Variants in TIPIN observed in about 807,000 individuals in gnomAD.
TIPIN encodes the protein TIMELESS interacting protein, also known as TIMELESS-interacting protein.
Under a neutral mutation model 35.6 loss-of-function variants are expected in TIPIN, and 29 were observed. That is an observed-to-expected ratio of 0.82 (90% confidence interval 0.61 to 1.11). The LOEUF (loss-of-function observed/expected upper bound fraction) is 1.11. TIPIN is among the 50% of genes most tolerant of loss of function. The pLI, the probability that TIPIN is intolerant of heterozygous loss-of-function variation, is 0.00. For synonymous variants in TIPIN, 102 were observed against 121.5 expected (o/e 0.84, Z 1.06); for missense variants, 296 against 345.4 (o/e 0.86, Z 1.13).
chr15:66,385,625 A>C (rs2093334626), intron 1 of TIPIN, among the ~76,000 whole-genome samples: 1 of 151,410 alleles, frequency 6.6e-6, no homozygotes, highest in East Asian at 1.9e-4. Flanking sequence ...AGTAGTTGGG[A>C]TTACAGGCAC....
chr15:66,337,997 T>A (rs1291253042), intron 7 of TIPIN, among the ~76,000 whole-genome samples: 1 of 152,190 alleles, frequency 6.6e-6, no homozygotes, highest in Non-Finnish European at 1.5e-5. Context: ...GGATCATGCC[T>A]GTAATCTCAG....
At chr15:66,350,243 A>G (rs2093158019) in intron 4 of TIPIN, among the ~76,000 whole-genome samples, 1 of 151,992 alleles carries the variant, frequency 6.6e-6, no homozygotes. Flanking sequence ...GGATTACAGC[A>G]TGAGCCATAG....
intron 6 of TIPIN, among the ~76,000 whole-genome samples, chr15:66,345,884 C>T (rs1415216530): frequency 6.6e-6 from 1 of 151,848 alleles, no homozygotes; most frequent in South Asian, 2.1e-4. Flanking sequence ...AGATTCAGTT[C>T]TCTTATTTGT....
chr15:66,379,154 G>A lies in TIPIN; in HGVS notation c.-9+7453C>T. The A allele has an allele frequency of 1.0e-5, 8 of 778,554 alleles. No homozygotes were observed. In the South Asian group the frequency reaches 1.5e-4, roughly 15 times the overall value. 48.2% of individuals were successfully genotyped at this position (778,554 alleles called of 1,614,324 possible). A position where few individuals can be genotyped will look rare whatever the true frequency, so the allele number is the denominator to read the frequency against. On this transcript the variant is annotated intron_variant, in intron 1 of 7. Coordinates refer to the TIPIN transcript ENST00000562124. ...TTGTCCCGCCTCTGCCTCCCAAAAT[G>A]CTGGAATCACAGGCATGAGCCACTG...
chr15:66,361,770 G>T lies in TIPIN; in HGVS notation c.-8-8815C>A, dbSNP rs373712880. 7.2e-5 allele frequency among the ~76,000 whole-genome samples: 11 copies of T among 152,236 alleles called. No homozygotes were observed. The East Asian group carries it at 2.1e-3, about 29-fold the overall frequency. On this transcript the variant is annotated intron_variant, in intron 1 of 7. Transcript: ENST00000562124. ...TGCCTGTAACCCCAGCACTTTGGGA[G>T]GCTGAGGCGGGCAGATCACCTGAGG... is the stretch of plus-strand genomic sequence containing the variant.
chr15:66,348,011 T>TTC, intron 6 of TIPIN, among the ~76,000 whole-genome samples: 1 of 149,210 alleles, frequency 6.7e-6, no homozygotes, highest in South Asian at 2.1e-4. Flanking sequence ...TTTCTTTCTT[T>TTC]TTTTTTTTTT....
At chr15:66,366,934 C>A in intron 1 of TIPIN, 1 of 979,464 alleles carries the variant, frequency 1.0e-6, no homozygotes, top group Non-Finnish European at 1.2e-6. Flanking sequence ...GTAATCCCAC[C>A]ACTTTGGGAG....
intron 1 of TIPIN, among the ~76,000 whole-genome samples, chr15:66,383,801 A>C (rs1283071742): frequency 6.6e-6 from 1 of 152,098 alleles, no homozygotes; most frequent in Admixed American, 6.6e-5. Flanking sequence ...ATAGTTAATA[A>C]CATTGTATTT....
chr15:66,346,995 C>G (rs1291650503), intron 6 of TIPIN, among the ~76,000 whole-genome samples: 2 of 152,042 alleles, frequency 1.3e-5, no homozygotes, highest in African/African-American at 4.8e-5. Flanking sequence ...CGGGGTTTCA[C>G]CATGTTAGCC....
Position 66,346,257 on chromosome 15 carries a change from CT to C in TIPIN, c.475+2802del, listed in dbSNP as rs536484516. On this transcript the variant is annotated intron_variant, in intron 6 of 7. Coordinates refer to ENST00000261881, the MANE Select transcript of TIPIN (RefSeq NM_017858.3). Reference sequence around the variant, plus strand: ...GCCACTGCGCCTGGCCTTAATTTATCTTTTTTTTTTTTTTTTTTTACTGCCA... The same window carrying C: ...GCCACTGCGCCTGGCCTTAATTTATCTTTTTTTTTTTTTTTTTTACTGCCA... 4.4e-3 allele frequency among the ~76,000 whole-genome samples: 573 copies of C among 131,032 alleles called. 3 individuals are homozygous for C. The highest frequency in any genetic ancestry group is 8.1e-3 in the African/African-American group (288 of 35,408). The allele number at this position is 131,032 out of a possible 152,430, so 86.0% of individuals were successfully genotyped here.
chr15:66,382,862 T>C (rs2093323152), intron 1 of TIPIN: 6 of 712,256 alleles, frequency 8.4e-6, no homozygotes, highest in Non-Finnish European at 1.0e-5. Flanking sequence ...CACATATAGT[T>C]CAGTCTTATT....
At chr15:66,386,468 G>C (rs2093339248) in intron 1 of TIPIN, 1 of 152,558 alleles carries the variant, frequency 6.6e-6, no homozygotes, top group African/African-American at 2.4e-5. Context: ...GCTCAAAGGA[G>C]CCTCTCGACA....
intron 1 of TIPIN, chr15:66,371,286 A>G: frequency 1.0e-6 from 1 of 984,922 alleles, no homozygotes. Context: ...CCCTCAACTA[A>G]TAAGGTAGTA....
chr15:66,362,303 TAA>T (rs746178230), intron 1 of TIPIN, among the ~76,000 whole-genome samples: 14 of 139,862 alleles, frequency 1.0e-4, no homozygotes, highest in Non-Finnish European at 9.4e-5. Context: ...AAACTCCATC[TAA>T]AAAAAAAAAA....
In TIPIN at chr15:66,377,436, C is replaced by T. The variant is rs148723672; in HGVS notation, c.-9+9171G>A. Among the ~76,000 whole-genome samples, 1,295 of 152,212 alleles carry T rather than the reference C, an allele frequency of 8.5e-3. 15 individuals carry two copies. Among genetic ancestry groups the T allele is most frequent in the African/African-American group, 0.029 (1,217 of 41,538 alleles). On this transcript the variant is annotated intron_variant, in intron 1 of 7. Transcript: ENST00000562124. ...CTGGAGTGCAGTGGCGCCATCTTGG[C>T]TCACTGCAACCTCCGCCTCTTGGGT... is the stretch of plus-strand genomic sequence containing the variant.
intron 1 of TIPIN, among the ~76,000 whole-genome samples, chr15:66,385,671 G>A (rs991707933): frequency 2.0e-5 from 3 of 152,056 alleles, no homozygotes; most frequent in African/African-American, 7.2e-5. Context: ...TGTATTTTTA[G>A]TAGAGATGGG....
intron 1 of TIPIN, 123 bp from the exon 2 acceptor site, chr15:66,353,078 A>G: frequency 1.1e-6 from 1 of 921,216 alleles, no homozygotes; most frequent in Non-Finnish European, 1.5e-6. Context: ...CTCACACATC[A>G]TGAAAAGTAG....
intron 6 of TIPIN, among the ~76,000 whole-genome samples, 170 bp downstream of exon 6, chr15:66,348,890 A>G (rs1247230403): frequency 1.3e-5 from 2 of 152,198 alleles, no homozygotes; most frequent in Non-Finnish European, 2.9e-5. Flanking sequence ...GGCTGCAGTA[A>G]GCTATGATTG....
chr15:66,342,846 G>A (rs1046371272), intron 6 of TIPIN, among the ~76,000 whole-genome samples: 1 of 152,156 alleles, frequency 6.6e-6, no homozygotes, highest in African/African-American at 2.4e-5. Flanking sequence ...ACTCAAGGTA[G>A]GATGTCCCCA....
Sources: gnomAD v4.1 joint callset for allele counts (sites outside exome capture counted in the v4.1 genomes callset) on GRCh38, gnomAD v4.1.1 for gene constraint, MANE v1.5 for transcripts, NCBI Gene and HGNC (gene_info 2026-07-23, HGNC 2026-07-21) for gene names.